Variants in UBAC2 observed in about 807,000 individuals in gnomAD.
UBAC2 encodes UBA domain containing 2, also known as ubiquitin-associated domain-containing protein 2.
UBAC2 carries 26 observed loss-of-function variants against 44.0 expected under a neutral mutation model. The ratio of observed to expected loss-of-function variants is 0.59; its 90% CI spans 0.43 to 0.82. UBAC2 has a LOEUF of 0.82. Ranked by LOEUF, UBAC2 falls within the 40% of genes least tolerant of loss-of-function variation. The pLI is 0.00. For missense variants in UBAC2, 329 were observed against 419.4 expected (o/e 0.78, Z 1.88); for synonymous variants, 155 against 154.3 (o/e 1.00, Z -0.04).
intron 6 of UBAC2, among the ~76,000 whole-genome samples, chr13:99,318,481 A>G (rs2044523583): frequency 6.7e-6 from 1 of 150,230 alleles, no homozygotes; most frequent in Admixed American, 6.6e-5. Context: ...ACATTCTTTT[A>G]ACCCATGGCA....
At chr13:99,345,353 G>A (rs1387385297) in intron 7 of UBAC2, among the ~76,000 whole-genome samples, 2 of 150,970 alleles carry the variant, frequency 1.3e-5, no homozygotes, top group African/African-American at 2.5e-5. Flanking sequence ...ATTGCACAGT[G>A]TAAGATGGAC....
chr13:99,324,341 A>G (rs1189567828), intron 6 of UBAC2, among the ~76,000 whole-genome samples: 6 of 152,156 alleles, frequency 3.9e-5, no homozygotes, highest in African/African-American at 1.4e-4. Context: ...GCAGTGACAA[A>G]TGCTTCATCC....
intron 8 of UBAC2, among the ~76,000 whole-genome samples, chr13:99,370,835 C>G (rs1373657712): frequency 6.6e-6 from 1 of 152,230 alleles, no homozygotes; most frequent in East Asian, 1.9e-4. Flanking sequence ...CACAGTTTTC[C>G]TCTTCTACCT....
chr13:99,269,284 G>A (rs1160018581), intron 4 of UBAC2, among the ~76,000 whole-genome samples: 1 of 152,136 alleles, frequency 6.6e-6, no homozygotes, highest in Non-Finnish European at 1.5e-5. Flanking sequence ...CTTCTTTATT[G>A]TGAGATTCAT....
rs1173052603 is a variant in UBAC2 at position 99,294,963 on chromosome 13, A to G, written c.390-19134A>G. ...CCCAATGAAAGAAATATAAAAGAAT[A>G]CTAATTGGAAGCTGAACAATTATTT... On this transcript the variant is annotated intron_variant, in intron 4 of 8. Transcript: ENST00000403766. 2.2e-6 allele frequency: 3 copies of G among 1,357,840 alleles called. No individual in the cohort carries two copies. In the African/African-American group the frequency reaches 4.4e-5, roughly 20 times the overall value. 84.1% of individuals were successfully genotyped at this position (1,357,840 alleles called of 1,614,324 possible).
chr13:99,239,024 G>A (rs2043271049), intron 2 of UBAC2, among the ~76,000 whole-genome samples: 1 of 152,200 alleles, frequency 6.6e-6, no homozygotes, highest in African/African-American at 2.4e-5. Flanking sequence ...GGAAAGAGCA[G>A]AAGTGCTTTT....
At chr13:99,348,527 A>G (rs2138850406) in intron 7 of UBAC2, among the ~76,000 whole-genome samples, 1 of 152,328 alleles carries the variant, frequency 6.6e-6, no homozygotes, top group South Asian at 2.1e-4. Context: ...AGGTTCCTAT[A>G]AGAAAGAGGC....
At chr13:99,266,914 G>A (rs2043751265) in intron 4 of UBAC2, among the ~76,000 whole-genome samples, 1 of 152,026 alleles carries the variant, frequency 6.6e-6, no homozygotes, top group Non-Finnish European at 1.5e-5. Flanking sequence ...TGGTAATTCT[G>A]GTTTTAGTTT....
At chr13:99,201,212 C>A in intron 1 of UBAC2, 1 of 1,425,728 alleles carries the variant, frequency 7.0e-7, no homozygotes, top group South Asian at 1.6e-5. Context: ...CTCTTGGGGC[C>A]GCTGCAAGTG....
intron 4 of UBAC2, among the ~76,000 whole-genome samples, chr13:99,287,643 CTTTTTT>C (rs11304203): frequency 5.3e-5 from 5 of 95,152 alleles, no homozygotes; most frequent in Admixed American, 1.2e-4. Context: ...TTTTTTCTTT[CTTTTTT>C]TTTTTTTTTT....
intron 7 of UBAC2, among the ~76,000 whole-genome samples, chr13:99,362,008 C>CA (rs542626045): frequency 1.5e-3 from 228 of 151,880 alleles, no homozygotes; most frequent in Middle Eastern, 6.8e-3. Flanking sequence ...CCCTCATCCC[C>CA]AAAAAAAGTT....
At chr13:99,238,245 C>T (rs1415859113) in intron 1 of UBAC2, among the ~76,000 whole-genome samples, 182 bp from the exon 2 acceptor site, 1 of 152,164 alleles carries the variant, frequency 6.6e-6, no homozygotes, top group Non-Finnish European at 1.5e-5. Context: ...TTTCCAGTGT[C>T]TTTTGATCAC....
At chr13:99,294,411 T>C (rs1334430654) in intron 4 of UBAC2, 1 of 152,252 alleles carries the variant, frequency 6.6e-6, no homozygotes, top group African/African-American at 2.4e-5. Context: ...AAAAGCTCAG[T>C]GCTTTCATTG....
At chr13:99,277,709 A>C (rs2138677949) in intron 4 of UBAC2, among the ~76,000 whole-genome samples, 1 of 152,274 alleles carries the variant, frequency 6.6e-6, no homozygotes, top group South Asian at 2.1e-4. Flanking sequence ...CTCTTACTTG[A>C]AATAAAATAG....
chr13:99,324,029 C>T (rs1199865794), intron 6 of UBAC2, among the ~76,000 whole-genome samples: 6 of 152,184 alleles, frequency 3.9e-5, no homozygotes, highest in Non-Finnish European at 7.3e-5. Flanking sequence ...GACCTCCTCA[C>T]CTACCCCTGT....
At chr13:99,361,590 C>T (rs1162568621) in intron 7 of UBAC2, among the ~76,000 whole-genome samples, 1 of 152,160 alleles carries the variant, frequency 6.6e-6, no homozygotes, top group Non-Finnish European at 1.5e-5. Context: ...ACATACTTAT[C>T]AGGGTTTCTC....
chr13:99,318,033 T>G lies in UBAC2; in HGVS notation c.525T>G (p.Ser175=). Residue 175 remains serine, a synonymous_variant, in exon 6 of 9, where the codon TCT becomes TCG. Transcript: ENST00000403766. ...IYILGLQLFT[S]GSYIWIVAIS... ...TTTTTCTTTTATAGCTTTTCACCTC[T>G]GGTTCCTACATCTGGATTGTAGCCA... is the stretch of plus-strand genomic sequence containing the variant. 6.2e-7 allele frequency: 1 copy of G among 1,611,240 alleles called. No homozygotes were observed. Among genetic ancestry groups the G allele is most frequent in the Non-Finnish European group, 8.5e-7 (1 of 1,179,180 alleles).
intron 7 of UBAC2, among the ~76,000 whole-genome samples, chr13:99,341,187 C>A (rs2044879831): frequency 6.6e-6 from 1 of 152,248 alleles, no homozygotes; most frequent in Non-Finnish European, 1.5e-5. Flanking sequence ...CAGGCCTGAT[C>A]TTTCTTGGAC....
chr13:99,384,249 A>C (rs943369147), intron 8 of UBAC2, among the ~76,000 whole-genome samples: 1 of 152,228 alleles, frequency 6.6e-6, no homozygotes, highest in African/African-American at 2.4e-5. Flanking sequence ...TTAATGCGCA[A>C]GTGGCTAAAA....
Sources: gnomAD v4.1 joint callset for allele counts (sites outside exome capture counted in the v4.1 genomes callset) on GRCh38, gnomAD v4.1.1 for gene constraint, MANE v1.5 for transcripts, NCBI Gene and HGNC (gene_info 2026-07-23, HGNC 2026-07-21) for gene names.